CFAP61: variants seen among roughly 807,000 people sequenced by gnomAD.
The protein encoded by CFAP61 is cilia- and flagella-associated protein 61.
Under a neutral mutation model 135.6 loss-of-function variants are expected in CFAP61, and 107 were observed. The ratio of observed to expected loss-of-function variants is 0.79; its 90% CI spans 0.67 to 0.93. The LOEUF (loss-of-function observed/expected upper bound fraction) is 0.93, where lower values mean the gene tolerates loss of function less well. Among genes scored for constraint, CFAP61 ranks in the 40% least tolerant of loss-of-function variants. The pLI, the probability that CFAP61 is intolerant of heterozygous loss-of-function variation, is 0.00. For synonymous variants in CFAP61, 575 were observed against 578.5 expected, an observed-to-expected ratio of 0.99 and a Z score of 0.09; for missense variants, 1,507 against 1,556.2, an observed-to-expected ratio of 0.97 and a Z score of 0.53.
chr20:20,296,034 T>C (rs879174969), intron 24 of CFAP61, among the ~76,000 whole-genome samples: 326 of 31,486 alleles, frequency 0.01, 4 homozygotes, highest in Middle Eastern at 0.019. Context: ...TTCTTTCTTT[T>C]CTTCCTCCCT....
chr20:20,283,572 G>T (rs1219562437), intron 22 of CFAP61, among the ~76,000 whole-genome samples: 1 of 152,216 alleles, frequency 6.6e-6, no homozygotes, highest in African/African-American at 2.4e-5. Context: ...AGTCAGAAAT[G>T]CAGGCAAGGT....
At chr20:20,197,993 G>C (rs1168210859) in intron 16 of CFAP61, among the ~76,000 whole-genome samples, 1 of 152,170 alleles carries the variant, frequency 6.6e-6, no homozygotes, top group Non-Finnish European at 1.5e-5. Context: ...CAATAATTTT[G>C]CCAGTGTATT....
intron 17 of CFAP61, among the ~76,000 whole-genome samples, chr20:20,212,903 A>T (rs892543747): frequency 2.6e-5 from 4 of 152,156 alleles, no homozygotes; most frequent in African/African-American, 9.7e-5. Context: ...TCCCTGCCAC[A>T]TAGCACTTGT....
chr20:20,217,367 A>G (rs780741116), intron 17 of CFAP61, among the ~76,000 whole-genome samples: 1 of 152,244 alleles, frequency 6.6e-6, no homozygotes, highest in African/African-American at 2.4e-5. Context: ...AAAATTGTGC[A>G]TGGAGGCACA....
At chr20:20,250,499 A>G (rs2050800917) in intron 19 of CFAP61, among the ~76,000 whole-genome samples, 1 of 152,214 alleles carries the variant, frequency 6.6e-6, no homozygotes, top group African/African-American at 2.4e-5. Flanking sequence ...CTCCAGTCCC[A>G]GCTACTCAGG....
intron 11 of CFAP61, among the ~76,000 whole-genome samples, chr20:20,165,644 C>A (rs981226286): frequency 6.6e-6 from 1 of 152,042 alleles, no homozygotes; most frequent in Admixed American, 6.6e-5. Flanking sequence ...AGAACCATCT[C>A]GAAGAGGAAA....
chr20:20,226,598 C>A (rs1478183341), intron 17 of CFAP61, among the ~76,000 whole-genome samples: 1 of 152,226 alleles, frequency 6.6e-6, no homozygotes, highest in Non-Finnish European at 1.5e-5. Context: ...TGTTCTATTT[C>A]TGTGTGATTC....
chr20:20,132,388 T>A (rs544911404), intron 8 of CFAP61, among the ~76,000 whole-genome samples: 1 of 152,222 alleles, frequency 6.6e-6, no homozygotes, highest in East Asian at 1.9e-4. Flanking sequence ...TGCATTGCAG[T>A]CAGAGAACCT....
intron 7 of CFAP61, among the ~76,000 whole-genome samples, chr20:20,093,901 T>A (rs756965475): frequency 6.6e-6 from 1 of 152,230 alleles, no homozygotes. Flanking sequence ...TTGCCCAGGC[T>A]TTTCTTAAAC....
chr20:20,254,869 ATTTC>A (rs1341603638), intron 20 of CFAP61, among the ~76,000 whole-genome samples: 1 of 152,184 alleles, frequency 6.6e-6, no homozygotes, highest in African/African-American at 2.4e-5. Context: ...GCACATCGCT[ATTTC>A]TTATTACAAA....
rs755401065 is a variant in CFAP61 at position 20,199,787 on chromosome 20, A to T, written c.1817A>T (p.His606Leu). The part of the protein sequence containing the change: ...REGKFQNPYA[H>L]SLTSALHYLV... ...TTTCAGTTCCAGAACCCCTACGCCC[A>T]CTCCCTGACATCTGCCCTTCATTAC... is the stretch of plus-strand genomic sequence containing the variant. Residue 606 changes from histidine (H) to leucine (L), a missense_variant, in exon 17 of 27, where the codon CAC becomes CTC. By Grantham distance (99) the His-to-Leu change is moderately conservative (BLOSUM62 -3). Transcript: ENST00000245957. The T allele has an allele frequency of 6.2e-7, 1 of 1,613,504 alleles. No individual in the cohort carries two copies. Among genetic ancestry groups the T allele is most frequent in the Non-Finnish European group, 8.5e-7 (1 of 1,179,872 alleles).
chr20:20,212,207 C>T lies in CFAP61; in HGVS notation c.1932+12305C>T, dbSNP rs192553214. ...CACCACCCCATTCAAGAGCGGAAGG[C>T]GGCCATAGTTCACAGAGCCCAAATT... On this transcript the variant is annotated intron_variant, in intron 17 of 26. Transcript: ENST00000245957. 2.1e-3 allele frequency among the ~76,000 whole-genome samples: 320 copies of T among 152,182 alleles called. 1 individual carries two copies. Among genetic ancestry groups the T allele is most frequent in the Non-Finnish European group, 2.8e-3 (188 of 68,018 alleles).
At chr20:20,182,812 A>T (rs1163464240) in intron 13 of CFAP61, among the ~76,000 whole-genome samples, 1 of 152,238 alleles carries the variant, frequency 6.6e-6, no homozygotes, top group South Asian at 2.1e-4. Context: ...TGCTATGAGA[A>T]TGCTTTATTA....
chr20:20,153,429 G>A (rs2052618836), intron 9 of CFAP61, among the ~76,000 whole-genome samples: 1 of 151,998 alleles, frequency 6.6e-6, no homozygotes, highest in Non-Finnish European at 1.5e-5. Context: ...GAAACAAAAA[G>A]CTGGTTCTTT....
intron 18 of CFAP61, among the ~76,000 whole-genome samples, chr20:20,245,807 T>C (rs2050410364): frequency 6.6e-6 from 1 of 152,238 alleles, no homozygotes. Flanking sequence ...TAGTCTAAAA[T>C]TTAAACTTCA....
At chr20:20,194,780 G>A (rs2056169657) in intron 15 of CFAP61, among the ~76,000 whole-genome samples, 1 of 152,212 alleles carries the variant, frequency 6.6e-6, no homozygotes, top group African/African-American at 2.4e-5. Context: ...GGGACTCCAG[G>A]TGACCCAAGG....
chr20:20,052,748 CA>C (rs1384479481), intron 1 of CFAP61, 157 bp downstream of exon 1: 2 of 1,570,530 alleles, frequency 1.3e-6, no homozygotes, highest in East Asian at 4.6e-5. Context: ...AACGGAGCTC[CA>C]ATCTGGATGC....
At chr20:20,094,555 TTCTC>T (rs2047430069) in intron 7 of CFAP61, 1 of 152,318 alleles carries the variant, frequency 6.6e-6, no homozygotes, top group Non-Finnish European at 1.5e-5. Context: ...CCCACGTTCT[TTCTC>T]TCTCTTGCCG....
intron 26 of CFAP61, among the ~76,000 whole-genome samples, chr20:20,348,740 C>A (rs2058726891): frequency 7.4e-6 from 1 of 135,702 alleles, no homozygotes; most frequent in Non-Finnish European, 1.6e-5. Flanking sequence ...ACTATCATCT[C>A]AATTGGTGCA....
Sources: allele counts gnomAD v4.1 joint callset (sites outside exome capture counted in the v4.1 genomes callset), GRCh38; gene constraint gnomAD v4.1.1; transcripts MANE v1.5; gene names NCBI Gene and HGNC (gene_info 2026-07-23, HGNC 2026-07-21).